The following TMEM178B variants were observed in gnomAD, a reference collection of about 807,000 sequenced individuals.
TMEM178B encodes transmembrane protein 178B.
In TMEM178B, 5 loss-of-function variants were observed where a neutral mutation model predicts 31.0. The observed-to-expected ratio is 0.16, with a 90% CI of 0.08 to 0.34. The LOEUF is 0.34. TMEM178B is among the 10% of genes least tolerant of loss of function. The pLI is 1.00. For missense variants in TMEM178B, 275 were observed against 400.3 expected (o/e 0.69, Z 2.67); for synonymous variants, 164 against 164.0 (o/e 1.00, Z 0.00).
chr7:141,275,811 A>G (rs1162171405), intron 2 of TMEM178B, among the ~76,000 whole-genome samples: 1 of 152,200 alleles, frequency 6.6e-6, no homozygotes, highest in Admixed American at 6.5e-5. Flanking sequence ...CACTTAATCA[A>G]TGACAGACTG....
At chr7:141,114,756 A>G (rs1279728614) in intron 1 of TMEM178B, among the ~76,000 whole-genome samples, 1 of 152,174 alleles carries the variant, frequency 6.6e-6, no homozygotes, top group African/African-American at 2.4e-5. Flanking sequence ...TACTGCATAT[A>G]AACTATTATC....
At position 141,075,899 on chromosome 7, in the gene TMEM178B, T is replaced by G. The variant is rs1024934278; in HGVS notation, c.382+1207T>G. On this transcript the variant is annotated intron_variant, in intron 1 of 3. Transcript: ENST00000565468. ...TTGATGGATACAAGTGTGCAATTGATCAGAAAAAATTGTTAATTTGCAAAA... is the reference window on the plus strand; with the variant it reads ...TTGATGGATACAAGTGTGCAATTGAGCAGAAAAAATTGTTAATTTGCAAAA... 5.9e-5 allele frequency among the ~76,000 whole-genome samples: 9 copies of G among 152,310 alleles called. No individual in the cohort carries two copies. In the South Asian group the frequency reaches 1.9e-3, roughly 32 times the overall value.
chr7:141,274,221 C>T (rs751856987), intron 2 of TMEM178B, among the ~76,000 whole-genome samples: 3 of 152,162 alleles, frequency 2.0e-5, no homozygotes, highest in Non-Finnish European at 4.4e-5. Flanking sequence ...TTTTGTCCAT[C>T]TCTCCCACCA....
chr7:141,467,449 G>A (rs184578171), intron 3 of TMEM178B, among the ~76,000 whole-genome samples: 7 of 152,230 alleles, frequency 4.6e-5, no homozygotes, highest in East Asian at 3.9e-4. Flanking sequence ...GTCACCTTCC[G>A]TTGTTTCTAC....
At chr7:141,319,443 T>G (rs979901436) in intron 2 of TMEM178B, among the ~76,000 whole-genome samples, 2 of 152,114 alleles carry the variant, frequency 1.3e-5, no homozygotes, top group Non-Finnish European at 2.9e-5. Context: ...CTGGGGGGAG[T>G]TTAGGCATTT....
intron 3 of TMEM178B, among the ~76,000 whole-genome samples, chr7:141,446,645 C>A (rs900673048): frequency 6.6e-6 from 1 of 152,142 alleles, no homozygotes; most frequent in Non-Finnish European, 1.5e-5. Context: ...CATGGAGAAC[C>A]AGTCCAGGAC....
chr7:141,337,999 G>A (rs543201760), intron 2 of TMEM178B, among the ~76,000 whole-genome samples: 3 of 152,136 alleles, frequency 2.0e-5, no homozygotes, highest in South Asian at 2.1e-4. Flanking sequence ...CACCACGCCC[G>A]GCTAATTTTT....
At chr7:141,402,517 C>T (rs570351398) in intron 2 of TMEM178B, among the ~76,000 whole-genome samples, 1 of 152,216 alleles carries the variant, frequency 6.6e-6, no homozygotes, top group Non-Finnish European at 1.5e-5. Context: ...TATACCTCAG[C>T]GTGCCAAGCC....
chr7:141,227,906 A>G (rs965150316), intron 2 of TMEM178B, among the ~76,000 whole-genome samples: 2 of 152,210 alleles, frequency 1.3e-5, no homozygotes, highest in African/African-American at 2.4e-5. Context: ...GAAGACATTT[A>G]TCAGCACTAA....
At chr7:141,129,355 G>A (rs1236667549) in intron 1 of TMEM178B, among the ~76,000 whole-genome samples, 1 of 152,134 alleles carries the variant, frequency 6.6e-6, no homozygotes, top group Non-Finnish European at 1.5e-5. Flanking sequence ...TTGCTTAGTT[G>A]TGCTTAGATT....
chr7:141,128,516 G>C (rs1429424630), intron 1 of TMEM178B, among the ~76,000 whole-genome samples: 2 of 151,600 alleles, frequency 1.3e-5, no homozygotes, highest in Admixed American at 6.6e-5. Context: ...TATTTTGGCT[G>C]TAACATCAAT....
At chr7:141,234,271 A>G (rs531915198) in intron 2 of TMEM178B, among the ~76,000 whole-genome samples, 1 of 152,350 alleles carries the variant, frequency 6.6e-6, no homozygotes, top group South Asian at 2.1e-4. Flanking sequence ...GCCATGAAAC[A>G]TGGGGAGGAG....
intron 2 of TMEM178B, among the ~76,000 whole-genome samples, chr7:141,321,826 TAA>T (rs1467601143): frequency 2.1e-5 from 3 of 145,790 alleles, no homozygotes; most frequent in Admixed American, 6.8e-5. Flanking sequence ...TGTCCAACAT[TAA>T]AAAAAAAAAA....
intron 2 of TMEM178B, among the ~76,000 whole-genome samples, chr7:141,325,551 T>C (rs1403235870): frequency 6.6e-6 from 1 of 152,178 alleles, no homozygotes; most frequent in Non-Finnish European, 1.5e-5. Flanking sequence ...TCCATAGGGA[T>C]TGGGCTTATG....
intron 1 of TMEM178B, among the ~76,000 whole-genome samples, chr7:141,127,298 A>G (rs1795514187): frequency 6.6e-6 from 1 of 152,216 alleles, no homozygotes. Flanking sequence ...ACACATTTAT[A>G]GTGGGCTGAA....
chr7:141,242,301 G>A (rs1035757446), intron 2 of TMEM178B, among the ~76,000 whole-genome samples: 5 of 152,014 alleles, frequency 3.3e-5, no homozygotes, highest in East Asian at 1.9e-4. Context: ...CATCAAAGTC[G>A]AAATTTACTT....
intron 2 of TMEM178B, among the ~76,000 whole-genome samples, chr7:141,410,171 A>T (rs1800956475): frequency 6.6e-6 from 1 of 152,196 alleles, no homozygotes; most frequent in South Asian, 2.1e-4. Context: ...TATTCCGAGC[A>T]CTTTGCTTTG....
intron 1 of TMEM178B, among the ~76,000 whole-genome samples, chr7:141,097,217 T>C (rs541695955): frequency 6.6e-6 from 1 of 151,322 alleles, no homozygotes; most frequent in South Asian, 2.1e-4. Context: ...ATGAATCCTA[T>C]ATCGCAGCTA....
At chr7:141,290,769 C>T (rs555468678) in intron 2 of TMEM178B, among the ~76,000 whole-genome samples, 1 of 152,294 alleles carries the variant, frequency 6.6e-6, no homozygotes, top group East Asian at 1.9e-4. Flanking sequence ...AGATGAAATG[C>T]CTGCAGATAT....
Sources: gnomAD v4.1 joint callset for allele counts (sites outside exome capture counted in the v4.1 genomes callset) on GRCh38, gnomAD v4.1.1 for gene constraint, MANE v1.5 for transcripts, NCBI Gene and HGNC (gene_info 2026-07-23, HGNC 2026-07-21) for gene names.